The following PCSK6 variants were observed in gnomAD, a reference collection of about 807,000 sequenced individuals.
PCSK6 encodes the protein proprotein convertase subtilisin/kexin type 6, also known as paired basic amino acid cleaving enzyme 4.
In PCSK6, 85 loss-of-function variants were observed where a neutral mutation model predicts 123.3. That is an observed-to-expected ratio of 0.69 (90% CI 0.58 to 0.83). The LOEUF (loss-of-function observed/expected upper bound fraction) is 0.83. Ranked by LOEUF, PCSK6 falls within the 40% of genes least tolerant of loss-of-function variation. The probability of loss-of-function intolerance (pLI) is 0.00; values close to 1 mark genes in which losing one functional copy is unlikely to be tolerated. For missense variants in PCSK6, 1,191 were observed against 1,282.3 expected (o/e 0.93, Z 1.09); for synonymous variants, 508 against 516.0 (o/e 0.98, Z 0.21).
chr15:101,420,792 GACCGCACAGGGGT>G (rs1172780536), intron 6 of PCSK6, among the ~76,000 whole-genome samples: 8 of 152,326 alleles, frequency 5.3e-5, no homozygotes, highest in African/African-American at 1.9e-4. Flanking sequence ...AGGGACCAGT[GACCGCACAGGGGT>G]ACCCCACTCT....
At chr15:101,357,575 C>T (rs924810657) in intron 13 of PCSK6, among the ~76,000 whole-genome samples, 2 of 152,226 alleles carry the variant, frequency 1.3e-5, no homozygotes, top group African/African-American at 4.8e-5. Flanking sequence ...TACACAATAG[C>T]GTCATAGCGT....
At chr15:101,318,215 A>G in intron 19 of PCSK6, 104 bp downstream of exon 19, 1 of 790,682 alleles carries the variant, frequency 1.3e-6, no homozygotes, top group South Asian at 1.7e-5. Flanking sequence ...TAATGCTGCA[A>G]TAAATGCAGA....
intron 13 of PCSK6, among the ~76,000 whole-genome samples, chr15:101,336,539 A>G (rs1276919034): frequency 1.3e-5 from 2 of 152,266 alleles, no homozygotes; most frequent in Non-Finnish European, 2.9e-5. Flanking sequence ...CTCTCATTAT[A>G]TGAGAAACGG....
intron 2 of PCSK6, among the ~76,000 whole-genome samples, chr15:101,433,769 G>A (rs2056517288): frequency 6.6e-6 from 1 of 152,196 alleles, no homozygotes; most frequent in African/African-American, 2.4e-5. Flanking sequence ...CTGAGCCTTG[G>A]CCTCCCCACA....
chr15:101,415,778 A>G (rs368416000), intron 6 of PCSK6, among the ~76,000 whole-genome samples: 30 of 152,316 alleles, frequency 2.0e-4, no homozygotes, highest in East Asian at 1.2e-3. Flanking sequence ...AAGTCTCATG[A>G]GATCTGACAG....
intron 1 of PCSK6, among the ~76,000 whole-genome samples, chr15:101,462,184 G>A (rs900891217): frequency 5.9e-5 from 9 of 152,116 alleles, no homozygotes; most frequent in African/African-American, 1.4e-4. Flanking sequence ...TCAACTGCAC[G>A]TCTATATACT....
chr15:101,469,039 C>G (rs1424585632), intron 1 of PCSK6, among the ~76,000 whole-genome samples: 2 of 152,178 alleles, frequency 1.3e-5, no homozygotes, highest in Non-Finnish European at 2.9e-5. Context: ...TCTCAAAGTT[C>G]TCATTTTGTC....
chr15:101,375,172 C>G (rs2041698598), intron 11 of PCSK6, among the ~76,000 whole-genome samples: 1 of 152,158 alleles, frequency 6.6e-6, no homozygotes, highest in African/African-American at 2.4e-5. Flanking sequence ...ACGCTGGTCT[C>G]AAACTCCTGA....
At chr15:101,473,359 C>T (rs1026525429) in intron 1 of PCSK6, among the ~76,000 whole-genome samples, 5 of 152,212 alleles carry the variant, frequency 3.3e-5, no homozygotes, top group African/African-American at 9.7e-5. Context: ...CCTCCCACCT[C>T]GGCCTCCCAA....
At chr15:101,443,141 A>AG (rs2141151821) in intron 2 of PCSK6, among the ~76,000 whole-genome samples, 1 of 152,338 alleles carries the variant, frequency 6.6e-6, no homozygotes, top group Admixed American at 6.5e-5. Context: ...TTAATCCTGA[A>AG]GATCATGTGA....
At chr15:101,381,177 G>C (rs7172676) in intron 11 of PCSK6, among the ~76,000 whole-genome samples, 92,044 of 151,664 alleles carry the variant, frequency 0.61, 28,285 homozygotes, top group African/African-American at 0.7. Flanking sequence ...GCCTGGCCAA[G>C]ATGGTGAAAC....
chr15:101,345,055 T>C (rs2040699234), intron 13 of PCSK6, among the ~76,000 whole-genome samples: 1 of 152,238 alleles, frequency 6.6e-6, no homozygotes. Flanking sequence ...TTGTGGGTTC[T>C]AGTTACACAG....
intron 1 of PCSK6, among the ~76,000 whole-genome samples, chr15:101,464,854 T>A (rs928028379): frequency 6.6e-6 from 1 of 152,158 alleles, no homozygotes; most frequent in Admixed American, 6.5e-5. Flanking sequence ...CAAGGGATGC[T>A]CCCACAGCAC....
At chr15:101,408,745 A>G (rs1017448648) in intron 6 of PCSK6, among the ~76,000 whole-genome samples, 10 of 152,192 alleles carry the variant, frequency 6.6e-5, no homozygotes, top group Non-Finnish European at 1.3e-4. Context: ...TACAGCTTAA[A>G]CTGTTCTCTT....
chr15:101,381,967 G>A, intron 11 of PCSK6, 125 bp downstream of exon 11: 2 of 645,340 alleles, frequency 3.1e-6, no homozygotes, highest in East Asian at 2.8e-5. Context: ...GTGCAGGCAT[G>A]CATCGTGCAC....
In PCSK6 at chr15:101,413,909, T is replaced by A. The variant is rs11857364; in HGVS notation, c.823+13983A>T. Among the ~76,000 whole-genome samples the A allele has an allele frequency of 1.5e-3, 222 of 152,288 alleles. 2 individuals are homozygous for A. The highest frequency in any genetic ancestry group is 5.0e-3 in the African/African-American group (209 of 41,574). On this transcript the variant is annotated intron_variant, in intron 6 of 21. Coordinates refer to ENST00000611716, the MANE Select transcript of PCSK6 (RefSeq NM_002570.5). ...ATTTTTATAAAAGAAAAATAAATTT[T>A]AAAAAATGGCCCAAATATATGTTAT...
intron 1 of PCSK6, among the ~76,000 whole-genome samples, chr15:101,458,034 G>C (rs915774290): frequency 6.6e-6 from 1 of 152,286 alleles, no homozygotes; most frequent in Non-Finnish European, 1.5e-5. Context: ...CGTCCCTCCA[G>C]AGGTGGAGCT....
chr15:101,369,788 G>C (rs2041520742), intron 12 of PCSK6, among the ~76,000 whole-genome samples: 1 of 152,034 alleles, frequency 6.6e-6, no homozygotes, highest in Admixed American at 6.6e-5. Context: ...CCCAGCCCCT[G>C]AGCGCAAGAG....
intron 10 of PCSK6, 111 bp from the exon 11 acceptor site, chr15:101,382,320 C>A: frequency 1.2e-6 from 1 of 829,890 alleles, no homozygotes; most frequent in South Asian, 1.7e-5. Flanking sequence ...CCGTAAGACT[C>A]GAGGTCTCCT....
Sources: gnomAD v4.1 joint callset for allele counts (sites outside exome capture counted in the v4.1 genomes callset) on GRCh38, gnomAD v4.1.1 for gene constraint, MANE v1.5 for transcripts, NCBI Gene and HGNC (gene_info 2026-07-23, HGNC 2026-07-21) for gene names.